Variants in MYO1D observed in about 807,000 individuals in gnomAD.
MYO1D encodes unconventional myosin-Id.
MYO1D carries 83 observed loss-of-function variants against 122.0 expected under a neutral mutation model. That is an observed-to-expected ratio of 0.68 (90% CI 0.57 to 0.82). MYO1D has a LOEUF of 0.82. Among genes scored for constraint, MYO1D ranks in the 40% least tolerant of loss-of-function variants. MYO1D has a pLI of 0.00. For missense variants in MYO1D, 1,157 were observed against 1,269.5 expected (o/e 0.91, Z 1.35); for synonymous variants, 464 against 446.9 (o/e 1.04, Z -0.48).
intron 21 of MYO1D, among the ~76,000 whole-genome samples, chr17:32,522,304 G>A (rs544938519): frequency 6.6e-6 from 1 of 152,226 alleles, no homozygotes; most frequent in South Asian, 2.1e-4. Context: ...CTGATGCTGT[G>A]GCCTAATGCT....
intron 20 of MYO1D, among the ~76,000 whole-genome samples, chr17:32,624,614 C>T (rs2087901232): frequency 6.6e-6 from 1 of 152,022 alleles, no homozygotes; most frequent in South Asian, 2.1e-4. Flanking sequence ...TTTTTTCTGG[C>T]CTTCTTGAGA....
At chr17:32,541,329 C>T (rs1485896928) in intron 21 of MYO1D, among the ~76,000 whole-genome samples, 1 of 152,150 alleles carries the variant, frequency 6.6e-6, no homozygotes, top group Non-Finnish European at 1.5e-5. Context: ...AGAAGCTGGT[C>T]ACAAAGGACC....
rs1555539199 is a variant in MYO1D, at chr17:32,766,802, C to CAAAACAACAAA, written c.831+823_831+833dup. On this transcript the variant is annotated intron_variant, in intron 7 of 21. Coordinates refer to ENST00000318217, the MANE Select transcript of MYO1D (RefSeq NM_015194.3). ...GCGAGATTCCATCTCAAAAAGAAAA[C>CAAAACAACAAA]AAAACAACAAAAAATAAAATTCTTG... is the stretch of plus-strand genomic sequence containing the variant. Among the ~76,000 whole-genome samples, 6 of 150,342 alleles carry CAAAACAACAAA rather than the reference C, an allele frequency of 4.0e-5. No homozygotes were observed. In the East Asian group the frequency reaches 1.2e-3, roughly 29 times the overall value.
chr17:32,727,392 A>G (rs1015149918), intron 14 of MYO1D, among the ~76,000 whole-genome samples: 3 of 152,210 alleles, frequency 2.0e-5, no homozygotes, highest in Non-Finnish European at 4.4e-5. Flanking sequence ...GACCTAATAC[A>G]GGAGTCACTA....
At position 32,588,244 on chromosome 17, in the gene MYO1D, A is replaced by C. The variant is rs189198081; in HGVS notation, c.2864+16843T>G. 3.4e-3 allele frequency among the ~76,000 whole-genome samples: 516 copies of C among 152,308 alleles called. 1 individual carries two copies. Among genetic ancestry groups the C allele is most frequent in the Middle Eastern group, 0.02 (6 of 294 alleles). ...AAAAATGTGGATCTGCATGACCTGA[A>C]ATGTAGGTTGCTTGTTTCTGACAGT... On this transcript the variant is annotated intron_variant, in intron 21 of 21. Transcript: ENST00000318217.
intron 19 of MYO1D, among the ~76,000 whole-genome samples, chr17:32,646,367 G>C (rs2088294429): frequency 6.6e-6 from 1 of 152,066 alleles, no homozygotes; most frequent in African/African-American, 2.4e-5. Context: ...TACTTGGGAG[G>C]CTGAGGCAAG....
intron 20 of MYO1D, among the ~76,000 whole-genome samples, chr17:32,636,637 G>C (rs2088103153): frequency 6.6e-6 from 1 of 152,216 alleles, no homozygotes; most frequent in South Asian, 2.1e-4. Flanking sequence ...ACACTGGCAA[G>C]GAAGTGGGGA....
chr17:32,730,654 T>A (rs2089627567), intron 14 of MYO1D, among the ~76,000 whole-genome samples: 1 of 152,216 alleles, frequency 6.6e-6, no homozygotes, highest in Admixed American at 6.5e-5. Flanking sequence ...TTGAATCTAA[T>A]CTGTCTTTTC....
chr17:32,799,881 G>A (rs971063494), intron 1 of MYO1D, among the ~76,000 whole-genome samples: 3 of 152,086 alleles, frequency 2.0e-5, no homozygotes, highest in African/African-American at 7.2e-5. Flanking sequence ...ATTTAAAAAT[G>A]GGCAAAGGAC....
chr17:32,681,494 T>G (rs1268684023), intron 16 of MYO1D, among the ~76,000 whole-genome samples: 1 of 149,344 alleles, frequency 6.7e-6, no homozygotes, highest in Non-Finnish European at 1.5e-5. Context: ...TATTTCTGCC[T>G]TCATTTCGTT....
intron 21 of MYO1D, among the ~76,000 whole-genome samples, chr17:32,528,725 A>C (rs1910422457): frequency 6.6e-6 from 1 of 152,136 alleles, no homozygotes; most frequent in South Asian, 2.1e-4. Flanking sequence ...CAGGAGGAGG[A>C]GGAGGAGGCA....
intron 1 of MYO1D, 86 bp from the exon 2 acceptor site, chr17:32,780,870 A>C (rs2090230176): frequency 7.8e-7 from 1 of 1,274,460 alleles, no homozygotes; most frequent in Non-Finnish European, 1.1e-6. Flanking sequence ...ATTTCCAAGG[A>C]AGTCCAAATA....
chr17:32,871,891 G>C (rs1369770750), intron 1 of MYO1D, among the ~76,000 whole-genome samples: 1 of 152,172 alleles, frequency 6.6e-6, no homozygotes, highest in Non-Finnish European at 1.5e-5. Flanking sequence ...CCCATGTAAG[G>C]AGAAAAGGAA....
chr17:32,705,840 G>A (rs1047768953), intron 16 of MYO1D, among the ~76,000 whole-genome samples: 6 of 152,122 alleles, frequency 3.9e-5, no homozygotes, highest in Admixed American at 2.0e-4. Flanking sequence ...TGTTCTCATG[G>A]TAGTGAATAA....
intron 21 of MYO1D, among the ~76,000 whole-genome samples, chr17:32,592,955 C>T (rs1013625712): frequency 1.3e-5 from 2 of 152,202 alleles, no homozygotes; most frequent in Non-Finnish European, 2.9e-5. Context: ...CCGTACACTT[C>T]GTCCCCAGTC....
intron 13 of MYO1D, among the ~76,000 whole-genome samples, chr17:32,741,381 C>A (rs1366556230): frequency 1.3e-5 from 2 of 150,508 alleles, no homozygotes; most frequent in African/African-American, 2.5e-5. Flanking sequence ...ATGGTTTTAT[C>A]CAAAAAAAAA....
chr17:32,570,214 C>A (rs2087210729), intron 21 of MYO1D, among the ~76,000 whole-genome samples: 2 of 152,144 alleles, frequency 1.3e-5, no homozygotes, highest in African/African-American at 4.8e-5. Flanking sequence ...AACCCAGAAC[C>A]AGAGGGCCCT....
chr17:32,820,231 A>AGAGCTACCATATG (rs1421529572), intron 1 of MYO1D, among the ~76,000 whole-genome samples: 1 of 152,244 alleles, frequency 6.6e-6, no homozygotes, highest in Non-Finnish European at 1.5e-5. Context: ...AATTAAAAAT[A>AGAGCTACCATATG]GAGCTACCAT....
At chr17:32,825,916 G>A (rs1049081769) in intron 1 of MYO1D, among the ~76,000 whole-genome samples, 8 of 151,866 alleles carry the variant, frequency 5.3e-5, no homozygotes, top group Non-Finnish European at 8.8e-5. Flanking sequence ...CAGGTGCTCT[G>A]GCACACGCTT....
Sources: gnomAD v4.1 joint callset for allele counts (sites outside exome capture counted in the v4.1 genomes callset) on GRCh38, gnomAD v4.1.1 for gene constraint, MANE v1.5 for transcripts, NCBI Gene and HGNC (gene_info 2026-07-23, HGNC 2026-07-21) for gene names.